The following NECAB1 variants were observed in gnomAD, a reference collection of about 807,000 sequenced individuals.
NECAB1 encodes the protein N-terminal EF-hand calcium-binding protein 1.
A neutral mutation model predicts 57.5 loss-of-function variants in NECAB1; 29 were observed. The ratio of observed to expected loss-of-function variants is 0.50; its 90% CI spans 0.38 to 0.69. NECAB1 has a LOEUF of 0.69. Ranked by LOEUF, NECAB1 falls within the 30% of genes least tolerant of loss-of-function variation. The pLI is 0.00. For missense variants in NECAB1, 372 were observed against 413.8 expected (o/e 0.90, Z 0.88); for synonymous variants, 142 against 147.7 (o/e 0.96, Z 0.28).
chr8:90,940,241 A>G (rs962577632), intron 9 of NECAB1: 5 of 153,102 alleles, frequency 3.3e-5, no homozygotes, highest in African/African-American at 1.2e-4. Flanking sequence ...CAACCCTGTA[A>G]TATTTGATAT....
At chr8:90,834,261 T>C (rs1382280661) in intron 3 of NECAB1, among the ~76,000 whole-genome samples, 1 of 151,526 alleles carries the variant, frequency 6.6e-6, no homozygotes, top group Non-Finnish European at 1.5e-5. Flanking sequence ...GAAGTGCAGG[T>C]TTTTTCAAGA....
At chr8:90,888,831 G>A (rs192862705) in intron 5 of NECAB1, among the ~76,000 whole-genome samples, 11 of 152,294 alleles carry the variant, frequency 7.2e-5, no homozygotes, top group South Asian at 4.1e-4. Context: ...GATTTATCCC[G>A]TGACCTGTCA....
At chr8:90,906,893 A>ATATATATATATGTATG (rs1563528290) in intron 5 of NECAB1, among the ~76,000 whole-genome samples, 7 of 137,524 alleles carry the variant, frequency 5.1e-5, no homozygotes, top group South Asian at 2.2e-4. Flanking sequence ...ATATATATAT[A>ATATATATATATGTATG]TATATATATA....
At chr8:90,835,319 A>G (rs1413554723) in intron 3 of NECAB1, among the ~76,000 whole-genome samples, 2 of 152,116 alleles carry the variant, frequency 1.3e-5, no homozygotes, top group African/African-American at 4.8e-5. Context: ...AGCATAGTAA[A>G]GTTTTCCAGG....
intron 5 of NECAB1, among the ~76,000 whole-genome samples, chr8:90,905,555 T>A (rs1809619824): frequency 6.6e-6 from 1 of 152,112 alleles, no homozygotes; most frequent in Non-Finnish European, 1.5e-5. Context: ...AGAAAAAAAA[T>A]TGCAGATTAA....
intron 2 of NECAB1, among the ~76,000 whole-genome samples, chr8:90,811,066 G>T (rs755559543): frequency 6.6e-6 from 1 of 151,198 alleles, no homozygotes; most frequent in African/African-American, 2.4e-5. Context: ...TCCTGCCTCC[G>T]CCTCCCGAGT....
At chr8:90,929,143 G>A (rs886265758) in intron 8 of NECAB1, among the ~76,000 whole-genome samples, 1 of 152,084 alleles carries the variant, frequency 6.6e-6, no homozygotes, top group African/African-American at 2.4e-5. Context: ...GCACAGAATG[G>A]GATTCATAGT....
intron 3 of NECAB1, among the ~76,000 whole-genome samples, chr8:90,836,986 C>T (rs1300090255): frequency 1.3e-5 from 2 of 152,208 alleles, no homozygotes; most frequent in Admixed American, 6.5e-5. Flanking sequence ...ACATTTCTAT[C>T]TCTATGCTTG....
At chr8:90,929,823 T>TAAGGTGATGGCATGAGC (rs1212320246) in intron 8 of NECAB1, among the ~76,000 whole-genome samples, 3 of 152,098 alleles carry the variant, frequency 2.0e-5, no homozygotes, top group Admixed American at 6.5e-5. Context: ...GGCATTCAGG[T>TAAGGTGATGGCATGAGC]AAGGTGATGG....
chr8:90,794,445 AACAG>A (rs1309904670), intron 1 of NECAB1, among the ~76,000 whole-genome samples: 2 of 152,156 alleles, frequency 1.3e-5, no homozygotes, highest in Admixed American at 1.3e-4. Context: ...TTCTGTATCA[AACAG>A]ACAATTTCCA....
At chr8:90,947,660 C>G (rs1810843900) in intron 10 of NECAB1, among the ~76,000 whole-genome samples, 1 of 152,170 alleles carries the variant, frequency 6.6e-6, no homozygotes, top group African/African-American at 2.4e-5. Context: ...CTTGGCCTCC[C>G]AAAGTGCTGG....
chr8:90,853,139 T>C (rs1235748656), intron 3 of NECAB1, among the ~76,000 whole-genome samples: 2 of 152,244 alleles, frequency 1.3e-5, no homozygotes, highest in Admixed American at 6.5e-5. Context: ...GCACTTGCCC[T>C]GGCTCCTGTA....
At chr8:90,932,044 G>A (rs1810422773) in intron 8 of NECAB1, among the ~76,000 whole-genome samples, 1 of 152,118 alleles carries the variant, frequency 6.6e-6, no homozygotes, top group African/African-American at 2.4e-5. Context: ...TCAGATCACA[G>A]GACATTCTCA....
chr8:90,947,378 TC>T (rs1342564169), intron 10 of NECAB1, among the ~76,000 whole-genome samples: 2 of 146,478 alleles, frequency 1.4e-5, no homozygotes, highest in African/African-American at 5.1e-5. Context: ...AGTTAAGAAT[TC>T]TACATGTAAC....
rs190426114 is a variant in NECAB1, at chr8:90,888,111, C to T, written c.357+6981C>T. Among the ~76,000 whole-genome samples, 266 of 152,222 alleles carry T rather than the reference C, an allele frequency of 1.7e-3. 2 individuals carry two copies. Among genetic ancestry groups the T allele is most frequent in the Middle Eastern group, 0.01 (3 of 294 alleles). The stretch of plus-strand genomic sequence containing the variant: ...GATAAATTATTTTTATTTTGTTTCA[C>T]GTACCTATAATTTCAAATAGCCATT... On this transcript the variant is annotated intron_variant, in intron 5 of 12. Transcript: ENST00000417640.
intron 5 of NECAB1, among the ~76,000 whole-genome samples, chr8:90,897,400 G>T (rs1809382578): frequency 6.6e-6 from 1 of 152,182 alleles, no homozygotes; most frequent in Non-Finnish European, 1.5e-5. Flanking sequence ...TACTGCTCTA[G>T]ACCCTGCTGT....
At chr8:90,874,532 T>C (rs1031104627) in intron 4 of NECAB1, among the ~76,000 whole-genome samples, 8 of 152,210 alleles carry the variant, frequency 5.3e-5, no homozygotes, top group African/African-American at 1.9e-4. Flanking sequence ...ACTTGGAACA[T>C]ATTCTTCCAG....
intron 5 of NECAB1, among the ~76,000 whole-genome samples, chr8:90,916,584 T>C (rs1290704638): frequency 6.6e-6 from 1 of 152,110 alleles, no homozygotes; most frequent in Non-Finnish European, 1.5e-5. Context: ...TTGGCTGAAC[T>C]TGAATGTACC....
At chr8:90,823,533 G>A (rs1012614526) in intron 2 of NECAB1, among the ~76,000 whole-genome samples, 1 of 151,652 alleles carries the variant, frequency 6.6e-6, no homozygotes, top group Non-Finnish European at 1.5e-5. Context: ...TAATTCGCTT[G>A]TGGGGCCTAG....
Sources: gnomAD v4.1 joint callset for allele counts (sites outside exome capture counted in the v4.1 genomes callset) on GRCh38, gnomAD v4.1.1 for gene constraint, MANE v1.5 for transcripts, NCBI Gene and HGNC (gene_info 2026-07-23, HGNC 2026-07-21) for gene names.